The following CCBE1 variants were observed in gnomAD, a reference collection of about 807,000 sequenced individuals.
CCBE1 encodes collagen and calcium-binding EGF domain-containing protein 1.
CCBE1 carries 37 observed loss-of-function variants against 50.0 expected under a neutral mutation model. That is an observed-to-expected ratio of 0.74 (90% CI 0.57 to 0.97). The LOEUF (loss-of-function observed/expected upper bound fraction) is 0.97. Among genes scored for constraint, CCBE1 ranks in the 50% least tolerant of loss-of-function variants. The probability of loss-of-function intolerance (pLI) is 0.00; values close to 1 mark genes in which losing one functional copy is unlikely to be tolerated. For missense variants in CCBE1, 538 were observed against 523.8 expected, an observed-to-expected ratio of 1.03 and a Z score of -0.26; for synonymous variants, 234 against 203.7, an observed-to-expected ratio of 1.15 and a Z score of -1.27.
intron 3 of CCBE1, 122 bp downstream of exon 3, chr18:59,480,064 C>T (rs1912494335): frequency 1.4e-6 from 1 of 722,826 alleles, no homozygotes; most frequent in East Asian, 2.8e-5. Context: ...AAAATATACA[C>T]AGACAGATAC....
At chr18:59,447,908 G>T in intron 7 of CCBE1, 75 bp downstream of exon 7, 2 of 1,606,108 alleles carry the variant, frequency 1.2e-6, no homozygotes, top group Non-Finnish European at 1.7e-6. Flanking sequence ...ACATTGTCCA[G>T]GCCCCAGCAA....
At chr18:59,547,064 G>GGAGAGAGGGGGAGAGAAAGGGA (rs1490154033) in intron 2 of CCBE1, among the ~76,000 whole-genome samples, 1 of 106,858 alleles carries the variant, frequency 9.4e-6, no homozygotes, top group African/African-American at 4.5e-5. Context: ...GGAGAGAGGG[G>GGAGAGAGGGGGAGAGAAAGGGA]GAGAGAGGGG....
intron 2 of CCBE1, among the ~76,000 whole-genome samples, chr18:59,497,773 A>C (rs1040609595): frequency 4.6e-5 from 7 of 152,112 alleles, no homozygotes; most frequent in Admixed American, 2.0e-4. Context: ...AGTCCTCCTG[A>C]TGGGGTCACT....
At chr18:59,524,054 C>T (rs545551216) in intron 2 of CCBE1, among the ~76,000 whole-genome samples, 3 of 152,334 alleles carry the variant, frequency 2.0e-5, no homozygotes, top group Admixed American at 1.3e-4. Context: ...GGCTTATTGT[C>T]TCACGCCTGT....
At chr18:59,606,512 T>C (rs980615395) in intron 2 of CCBE1, among the ~76,000 whole-genome samples, 8 of 152,122 alleles carry the variant, frequency 5.3e-5, no homozygotes, top group African/African-American at 1.9e-4. Flanking sequence ...TAAACATAAC[T>C]TTACTCTTCA....
At chr18:59,606,418 G>C (rs1424230506) in intron 2 of CCBE1, among the ~76,000 whole-genome samples, 2 of 152,182 alleles carry the variant, frequency 1.3e-5, no homozygotes, top group Admixed American at 6.5e-5. Context: ...CTTTTGTTTA[G>C]AAGTCAGACG....
chr18:59,644,696 G>GC (rs1404817753), intron 2 of CCBE1, among the ~76,000 whole-genome samples: 1 of 152,040 alleles, frequency 6.6e-6, no homozygotes, highest in Non-Finnish European at 1.5e-5. Context: ...GTGTACACAT[G>GC]CCCCCTAATA....
chr18:59,602,262 G>A (rs1223647543), intron 2 of CCBE1, among the ~76,000 whole-genome samples: 4 of 152,198 alleles, frequency 2.6e-5, no homozygotes, highest in Admixed American at 2.6e-4. Context: ...AGCAAAATGA[G>A]CTAAGTTTTC....
chr18:59,662,673 G>GCTAT (rs972873272), intron 2 of CCBE1, among the ~76,000 whole-genome samples: 19 of 152,374 alleles, frequency 1.2e-4, no homozygotes, highest in African/African-American at 4.6e-4. Flanking sequence ...GACCATGAGA[G>GCTAT]CTAAGCCCAG....
intron 2 of CCBE1, among the ~76,000 whole-genome samples, chr18:59,527,687 A>G (rs1338123361): frequency 1.3e-5 from 2 of 152,150 alleles, no homozygotes; most frequent in East Asian, 3.8e-4. Flanking sequence ...TGTGGTGACA[A>G]ATTCTCTCAG....
intron 2 of CCBE1, among the ~76,000 whole-genome samples, chr18:59,528,227 T>G (rs909996889): frequency 1.3e-5 from 2 of 152,236 alleles, no homozygotes; most frequent in Admixed American, 6.5e-5. Context: ...TTCAACAAGA[T>G]AGTCTTCAAG....
intron 2 of CCBE1, among the ~76,000 whole-genome samples, chr18:59,658,976 G>C (rs2054246294): frequency 6.6e-6 from 1 of 151,446 alleles, no homozygotes. Flanking sequence ...GATGCTCAGG[G>C]TTCCATAATC....
chr18:59,627,202 A>T (rs1321834454), intron 2 of CCBE1, among the ~76,000 whole-genome samples: 2 of 152,212 alleles, frequency 1.3e-5, no homozygotes, highest in Non-Finnish European at 1.5e-5. Flanking sequence ...TTTCCTAGTG[A>T]TATATACACC....
At chr18:59,486,519 A>T (rs752442429) in intron 2 of CCBE1, among the ~76,000 whole-genome samples, 3 of 152,220 alleles carry the variant, frequency 2.0e-5, no homozygotes, top group Non-Finnish European at 4.4e-5. Context: ...CCCACACCCT[A>T]TGGATTTAGG....
At position 59,659,295 on chromosome 18, in the gene CCBE1, GT is replaced by G. The variant is rs56267729; in HGVS notation, c.212+37333del. Among the ~76,000 whole-genome samples the G allele has an allele frequency of 4.7e-3, 698 of 148,000 alleles. 4 individuals are homozygous for G. The highest frequency in any genetic ancestry group is 7.7e-3 in the Non-Finnish European group (516 of 66,824). ...CTTAATACATTAAAAGAATTTACAT[GT>G]TTTTTTTTTTTCAAACAGCAACCAA... On this transcript the variant is annotated intron_variant, in intron 2 of 10. Transcript: ENST00000439986.
At chr18:59,448,689 A>G (rs1255623829) in intron 6 of CCBE1, among the ~76,000 whole-genome samples, 1 of 152,206 alleles carries the variant, frequency 6.6e-6, no homozygotes, top group Non-Finnish European at 1.5e-5. Context: ...TCTCCTTAAT[A>G]AACTCCCTTT....
chr18:59,541,651 A>G (rs909210782), intron 2 of CCBE1, among the ~76,000 whole-genome samples: 12 of 152,188 alleles, frequency 7.9e-5, no homozygotes, highest in Non-Finnish European at 1.8e-4. Flanking sequence ...AGCTGGAGCC[A>G]TCCCATGGAG....
At chr18:59,573,119 T>C (rs2052938907) in intron 2 of CCBE1, among the ~76,000 whole-genome samples, 1 of 151,206 alleles carries the variant, frequency 6.6e-6, no homozygotes, top group South Asian at 2.1e-4. Context: ...ACCCTGTCTC[T>C]ACTAAAAATA....
intron 2 of CCBE1, among the ~76,000 whole-genome samples, chr18:59,654,114 G>C (rs1006448394): frequency 4.6e-5 from 7 of 152,184 alleles, no homozygotes; most frequent in African/African-American, 1.7e-4. Context: ...TCTGTTTAAT[G>C]GCCAAGTACT....
Sources: gnomAD v4.1 joint callset for allele counts (sites outside exome capture counted in the v4.1 genomes callset) on GRCh38, gnomAD v4.1.1 for gene constraint, MANE v1.5 for transcripts, NCBI Gene and HGNC (gene_info 2026-07-23, HGNC 2026-07-21) for gene names.